CFAP100: variants seen among roughly 807,000 people sequenced by gnomAD.
The protein encoded by CFAP100 is cilia and flagella associated protein 100.
A neutral mutation model predicts 81.5 loss-of-function variants in CFAP100; 70 were observed. That is an observed-to-expected ratio of 0.86 (90% confidence interval 0.71 to 1.05). The LOEUF (loss-of-function observed/expected upper bound fraction) is 1.05, where lower values mean the gene tolerates loss of function less well. Among genes scored for constraint, CFAP100 ranks in the 50% least tolerant of loss-of-function variants. CFAP100 has a pLI of 0.00. For synonymous variants in CFAP100, 341 were observed against 314.8 expected, an observed-to-expected ratio of 1.08 and a Z score of -0.88; for missense variants, 811 against 776.5, an observed-to-expected ratio of 1.04 and a Z score of -0.53.
intron 13 of CFAP100, among the ~76,000 whole-genome samples, chr3:126,431,120 G>A (rs1933207151): frequency 6.6e-6 from 1 of 152,198 alleles, no homozygotes; most frequent in Admixed American, 6.5e-5. Context: ...TGTGTTGGCT[G>A]GTGGGGTCTG....
intron 11 of CFAP100, among the ~76,000 whole-genome samples, chr3:126,421,248 C>T (rs1279841478): frequency 6.6e-6 from 1 of 152,172 alleles, no homozygotes; most frequent in East Asian, 1.9e-4. Context: ...AGGTGATCCG[C>T]CCGCCTCAGC....
chr3:126,419,054 TCCC>T lies in CFAP100; in HGVS notation c.651-19_651-17del. ...ACTGGCCCCTTGCCCCCATCCCTCC[TCCC>T]CCGCCGCCCAACCCCTAGGGCTGAG... On this transcript the variant is annotated intron_variant, in intron 7 of 16. Transcript: ENST00000352312. The T allele has an allele frequency of 3.0e-6, 1 of 334,562 alleles. No individual in the cohort carries two copies. Among genetic ancestry groups the T allele is most frequent in the Non-Finnish European group, 5.1e-6 (1 of 195,020 alleles). 20.7% of individuals were successfully genotyped at this position (334,562 alleles called of 1,614,324 possible).
At chr3:126,408,679 C>T (rs754177495) in intron 3 of CFAP100, among the ~76,000 whole-genome samples, 25 of 152,174 alleles carry the variant, frequency 1.6e-4, no homozygotes, top group Admixed American at 1.3e-4. Flanking sequence ...AGGCAGCACC[C>T]GCATCTGCTG....
intron 3 of CFAP100, among the ~76,000 whole-genome samples, chr3:126,410,831 A>G (rs892237320): frequency 1.3e-5 from 2 of 152,160 alleles, no homozygotes; most frequent in Non-Finnish European, 2.9e-5. Context: ...ATCTGTATTT[A>G]TTTCCTATTG....
intron 3 of CFAP100, among the ~76,000 whole-genome samples, chr3:126,413,324 T>C (rs1465634925): frequency 6.6e-6 from 1 of 152,220 alleles, no homozygotes. Context: ...AGAACTTCTG[T>C]GACACCAGAG....
rs779987447 is a variant in CFAP100, at chr3:126,434,287, C to G, written c.1534C>G (p.His512Asp). ...CGTGCAGATGCTGACCATCATTGAG[C>G]ACCAGCTGGATGAGCTGCTAGAGAA... ...GTVQMLTIIE[H>D]QLDELLENLE... Residue 512 changes from histidine (H) to aspartate (D), a missense_variant, in exon 15 of 17, where the codon CAC (histidine) becomes GAC (aspartate). Transcript: ENST00000352312. 6.2e-7 allele frequency: 1 copy of G among 1,613,972 alleles called. No homozygotes were observed. The highest frequency in any genetic ancestry group is 8.5e-7 in the Non-Finnish European group (1 of 1,180,028).
At position 126,433,214 on chromosome 3, in the gene CFAP100, G is replaced by C. The variant is rs772730470; in HGVS notation, c.1422+10G>C. ...CAAGGGCGATCAGCAGGTAGGCTGG[G>C]GATCAAGGTGGCCAGAGGCCCAGGG... On this transcript the variant is annotated intron_variant, in intron 14 of 16. Transcript: ENST00000352312. 6.2e-7 allele frequency: 1 copy of C among 1,613,982 alleles called. No homozygotes were observed.
chr3:126,411,361 G>GTTTTTTTTTTTTTTTT (rs58954079), intron 3 of CFAP100, among the ~76,000 whole-genome samples: 6 of 35,384 alleles, frequency 1.7e-4, no homozygotes, highest in Non-Finnish European at 2.3e-4. Flanking sequence ...GTTGTTGTTG[G>GTTTTTTTTTTTTTTTT]TTTTTTTTTT....
In CFAP100 at chr3:126,414,150, A is replaced by T; in HGVS notation, c.196A>T (p.Arg66Ter). ...TGGGGATGTGGATTTCTTCTTGCTC[A>T]GAGATCAGGAGCGGAATAAGGCTCT... ...LSGDVDFFLL[R>*]DQERNKALSE... The change falls in exon 4 of 17, where the codon AGA becomes TGA. Residue 66 changes from arginine (R) to a stop codon, truncating the protein, a stop_gained. Transcript: ENST00000352312. LOFTEE classifies it high-confidence loss of function. 6.2e-7 allele frequency: 1 copy of T among 1,614,050 alleles called. No individual in the cohort carries two copies. The highest frequency in any genetic ancestry group is 8.5e-7 in the Non-Finnish European group (1 of 1,179,906).
At chr3:126,415,157 C>G (rs373442046) in intron 4 of CFAP100, among the ~76,000 whole-genome samples, 36 of 152,244 alleles carry the variant, frequency 2.4e-4, no homozygotes, top group Non-Finnish European at 4.1e-4. Flanking sequence ...AGGCCTCCCC[C>G]ACCTTCCACT....
Position 126,418,484 on chromosome 3 carries a change from A to C in CFAP100, c.445A>C (p.Ser149Arg). The change falls in exon 6 of 17, where the codon AGT (serine) becomes CGT (arginine). Residue 149 changes from serine to arginine, a missense_variant. Transcript: ENST00000352312. ...AAAGAATGTGGAGCCTGAGAACATGAGTGGCTACATTAAGCAGAAGCGGCA... is the reference window on the plus strand; with the variant it reads ...AAAGAATGTGGAGCCTGAGAACATGCGTGGCTACATTAAGCAGAAGCGGCA... The part of the protein sequence containing the change: ...KEKNVEPENM[S>R]GYIKQKRQMF... The C allele has an allele frequency of 6.2e-7, 1 of 1,614,118 alleles. No homozygotes were observed. Among genetic ancestry groups the C allele is most frequent in the Non-Finnish European group, 8.5e-7 (1 of 1,180,022 alleles).
In CFAP100 at chr3:126,419,745, G is replaced by A. The variant is rs771662627; in HGVS notation, c.840G>A (p.Ser280=). Residue 280 remains serine (S), a synonymous_variant, in exon 9 of 17, where the codon TCG becomes TCA. Transcript: ENST00000352312. ...TTGAAGAACAGGAAAAGAAACACTC[G>A]TTTCTCAAAAAGGCCAAGGAGGTCT... The part of the protein sequence containing the change: ...EWLEEQEKKH[S]FLKKAKEVSE... 24 of 1,613,940 alleles carry A rather than the reference G, an allele frequency of 1.5e-5. No homozygotes were observed. The highest frequency in any genetic ancestry group is 6.7e-5 in the African/African-American group (5 of 74,934).
At chr3:126,410,212 T>A (rs1482033643) in intron 3 of CFAP100, among the ~76,000 whole-genome samples, 1 of 152,128 alleles carries the variant, frequency 6.6e-6, no homozygotes, top group South Asian at 2.1e-4. Context: ...AAAAAAAAAG[T>A]TCCTAAGTTT....
intron 3 of CFAP100, among the ~76,000 whole-genome samples, chr3:126,408,031 C>T (rs1338690394): frequency 6.6e-6 from 1 of 152,190 alleles, no homozygotes; most frequent in African/African-American, 2.4e-5. Context: ...GCTCCCACCC[C>T]TCTCCCCACC....
At chr3:126,409,990 C>A (rs1231847944) in intron 3 of CFAP100, among the ~76,000 whole-genome samples, 3 of 152,136 alleles carry the variant, frequency 2.0e-5, no homozygotes, top group African/African-American at 7.2e-5. Context: ...TACCTGAGGT[C>A]AGGAGTTCGA....
At chr3:126,435,439 G>A in intron 15 of CFAP100, 120 bp from the exon 16 acceptor site, 2 of 716,126 alleles carry the variant, frequency 2.8e-6, no homozygotes, top group South Asian at 2.0e-5. Flanking sequence ...GGCAAAAGAG[G>A]TGAAGAGGAG....
At chr3:126,407,489 C>T (rs1490239353) in intron 3 of CFAP100, among the ~76,000 whole-genome samples, 2 of 152,228 alleles carry the variant, frequency 1.3e-5, no homozygotes, top group African/African-American at 4.8e-5. Context: ...GCTCCACTAA[C>T]AGCAGTTCCA....
At chr3:126,423,990 CA>C (rs1188392372) in intron 13 of CFAP100, among the ~76,000 whole-genome samples, 1 of 152,238 alleles carries the variant, frequency 6.6e-6, no homozygotes, top group Non-Finnish European at 1.5e-5. Context: ...CCTGACCCCC[CA>C]GTTCATAGCA....
intron 13 of CFAP100, among the ~76,000 whole-genome samples, chr3:126,427,206 A>T (rs1932980141): frequency 1.3e-5 from 2 of 152,266 alleles, no homozygotes; most frequent in South Asian, 4.1e-4. Flanking sequence ...ACAGCACTGA[A>T]GATGAACAAG....
Sources: allele counts gnomAD v4.1 joint callset (sites outside exome capture counted in the v4.1 genomes callset), GRCh38; gene constraint gnomAD v4.1.1; transcripts MANE v1.5; gene names NCBI Gene and HGNC (gene_info 2026-07-23, HGNC 2026-07-21).